The following MYH11 variants were observed in gnomAD, a reference collection of about 807,000 sequenced individuals.
The protein encoded by MYH11 is myosin heavy chain 11, also known as myosin-11.
MYH11 carries 80 observed loss-of-function variants against 246.6 expected under a neutral mutation model. The observed-to-expected ratio is 0.32, with a 90% confidence interval of 0.27 to 0.39. MYH11 has a LOEUF of 0.39. MYH11 is among the 10% of genes least tolerant of loss of function. The pLI is 1.00. For synonymous variants in MYH11, 1,071 were observed against 1,015.5 expected (o/e 1.05, Z -1.04); for missense variants, 2,158 against 2,546.8 (o/e 0.85, Z 3.29).
intron 23 of MYH11, 108 bp from the exon 24 acceptor site, chr16:15,738,796 T>C: frequency 5.4e-6 from 7 of 1,285,952 alleles, no homozygotes; most frequent in Non-Finnish European, 5.5e-6. Context: ...AAACCCACAT[T>C]ATAACAAAAT....
chr16:15,829,132 G>A (rs1429931195), intron 2 of MYH11, among the ~76,000 whole-genome samples: 2 of 151,278 alleles, frequency 1.3e-5, no homozygotes, highest in Admixed American at 1.3e-4. Context: ...TATGTGAGCC[G>A]AGATCATGCC....
intron 3 of MYH11, among the ~76,000 whole-genome samples, chr16:15,814,435 C>G (rs1471374949): frequency 6.6e-6 from 1 of 151,326 alleles, no homozygotes; most frequent in Non-Finnish European, 1.5e-5. Flanking sequence ...TGCCTGTAAT[C>G]CCAGCTACTT....
chr16:15,712,882 GTT>G (rs59799809), intron 40 of MYH11: 2 of 90,628 alleles, frequency 2.2e-5, no homozygotes, highest in Non-Finnish European at 2.3e-5. Flanking sequence ...TTCACATACA[GTT>G]TTTTTTTTTT....
intron 1 of MYH11, among the ~76,000 whole-genome samples, chr16:15,844,344 C>T (rs1010713824): frequency 3.3e-5 from 5 of 152,152 alleles, no homozygotes; most frequent in African/African-American, 9.7e-5. Flanking sequence ...ATTACAGGTG[C>T]ATGCCACCAC....
intron 40 of MYH11, among the ~76,000 whole-genome samples, chr16:15,705,597 C>G (rs956709111): frequency 6.6e-6 from 1 of 152,152 alleles, no homozygotes; most frequent in East Asian, 1.9e-4. Flanking sequence ...TTTAGGACAT[C>G]AAAGAAGAGA....
At position 15,716,915 on chromosome 16, in the gene MYH11, T is replaced by G. The variant is rs143155833; in HGVS notation, c.5504+225A>C. ...GTTAATGTCAGGAGGACCATGGAGATGCTAAGAGCAGCTCACACTTTAGGT... is the reference window on the plus strand; with the variant it reads ...GTTAATGTCAGGAGGACCATGGAGAGGCTAAGAGCAGCTCACACTTTAGGT... On this transcript the variant is annotated intron_variant, in intron 38 of 40. Coordinates refer to ENST00000300036, the MANE Select transcript of MYH11 (RefSeq NM_002474.3). 2.6e-4 allele frequency among the ~76,000 whole-genome samples: 39 copies of G among 152,328 alleles called. No homozygotes were observed. In the East Asian group the frequency reaches 7.3e-3, roughly 29 times the overall value.
chr16:15,740,906 A>C (rs947233496), intron 22 of MYH11, among the ~76,000 whole-genome samples: 1 of 152,158 alleles, frequency 6.6e-6, no homozygotes, highest in African/African-American at 2.4e-5. Flanking sequence ...TTCTGGGGGA[A>C]CTCTGCTGCC....
chr16:15,783,636 G>A (rs907201836), intron 5 of MYH11: 3 of 152,210 alleles, frequency 2.0e-5, no homozygotes, highest in African/African-American at 7.2e-5. Context: ...GCATTTCTTT[G>A]TTGGTGGGAA....
intron 27 of MYH11, among the ~76,000 whole-genome samples, chr16:15,731,371 C>T (rs1324503007): frequency 1.3e-5 from 2 of 152,168 alleles, no homozygotes; most frequent in African/African-American, 4.8e-5. Context: ...AGTCTCTTCA[C>T]CTCTAGGCAC....
chr16:15,745,152 G>A lies in MYH11; in HGVS notation c.2497C>T (p.Gln833Ter). ...ACTTTGGTGAAAAGCCTCCACCACTGCCAGTTCCGCAGCTTGAGGTAGGCG... is the reference window on the plus strand; with the variant it reads ...ACTTTGGTGAAAAGCCTCCACCACTACCAGTTCCGCAGCTTGAGGTAGGCG... ...CAAYLKLRNW[Q>*]WWRLFTKVKP... is the part of the protein sequence containing the mutation. Residue 833 changes from glutamine (Q) to a stop codon, truncating the protein, a stop_gained, in exon 20 of 41, where the codon CAG becomes TAG. Coordinates refer to ENST00000300036, the MANE Select transcript of MYH11 (RefSeq NM_002474.3). LOFTEE classifies it high-confidence loss of function. 6.2e-7 allele frequency: 1 copy of A among 1,614,088 alleles called. No homozygotes were observed. Among genetic ancestry groups the A allele is most frequent in the Non-Finnish European group, 8.5e-7 (1 of 1,179,992 alleles).
chr16:15,751,779 AT>A (rs1238258829), intron 15 of MYH11, among the ~76,000 whole-genome samples: 4 of 150,402 alleles, frequency 2.7e-5, no homozygotes, highest in Admixed American at 6.6e-5. Context: ...CACCCGGCTA[AT>A]TTTGTTTTTA....
At position 15,784,722 on chromosome 16, in the gene MYH11, TG is replaced by T. The variant is rs773496706; in HGVS notation, c.633+1907del. ...CGTAGGCAAAAGATGGGCCTTGCTGTGGTTGAACAACACAGTATAAAACAAA... is the reference window on the plus strand; with the variant it reads ...CGTAGGCAAAAGATGGGCCTTGCTGTGTTGAACAACACAGTATAAAACAAA... On this transcript the variant is annotated intron_variant, in intron 5 of 40. Transcript: ENST00000300036. 2.5e-6 allele frequency: 4 copies of T among 1,613,816 alleles called. No individual in the cohort carries two copies.
intron 20 of MYH11, chr16:15,742,150 A>C: frequency 5.2e-6 from 3 of 574,858 alleles, no homozygotes; most frequent in Non-Finnish European, 6.3e-6. Flanking sequence ...TCACCCCAAA[A>C]TATCAACAGT....
chr16:15,773,251 A>G (rs2042145923), intron 8 of MYH11, among the ~76,000 whole-genome samples: 1 of 151,612 alleles, frequency 6.6e-6, no homozygotes, highest in Non-Finnish European at 1.5e-5. Flanking sequence ...GGTAGGCAAA[A>G]ATGCAGCTTT....
chr16:15,756,234 T>A (rs1442408985), intron 14 of MYH11, 107 bp downstream of exon 14: 2 of 1,282,822 alleles, frequency 1.6e-6, no homozygotes, highest in Non-Finnish European at 2.2e-6. Context: ...CAGATGGCTT[T>A]GCAGTTTCCA....
intron 32 of MYH11, 153 bp from the exon 33 acceptor site, chr16:15,721,204 C>T (rs1567695597): frequency 1.0e-6 from 1 of 978,650 alleles, no homozygotes; most frequent in African/African-American, 1.6e-5. Flanking sequence ...CCTGAGAGTT[C>T]AGACCCCAGC....
Position 15,745,195 on chromosome 16 carries a change from C to G in MYH11, c.2454G>C (p.Val818=). ...GGTAGGCGGCGCAGTTCCTCTGAAT[C>G]ACCTTCATGGCGGTCAGCTGCTGCT... is the stretch of plus-strand genomic sequence containing the variant. The part of the protein sequence containing the change: ...KRQQQLTAMK[V]IQRNCAAYLK... Residue 818 remains valine (V), a synonymous_variant, in exon 20 of 41, where the codon GTG becomes GTC. Transcript: ENST00000300036. The G allele has an allele frequency of 6.2e-7, 1 of 1,614,166 alleles. No individual in the cohort carries two copies. The highest frequency in any genetic ancestry group is 8.5e-7 in the Non-Finnish European group (1 of 1,180,032).
chr16:15,721,121 G>T, intron 32 of MYH11, 70 bp from the exon 33 acceptor site: 2 of 1,538,514 alleles, frequency 1.3e-6, no homozygotes, highest in South Asian at 2.2e-5. Context: ...AACCCACCGT[G>T]AGCGGCACCT....
chr16:15,784,588 C>T (rs961984614), intron 5 of MYH11: 2 of 1,178,766 alleles, frequency 1.7e-6, no homozygotes, highest in African/African-American at 1.5e-5. Context: ...CTAGGGCCTA[C>T]CCCATTTCTA....
Sources: allele counts gnomAD v4.1 joint callset (sites outside exome capture counted in the v4.1 genomes callset), GRCh38; gene constraint gnomAD v4.1.1; transcripts MANE v1.5; gene names NCBI Gene and HGNC (gene_info 2026-07-23, HGNC 2026-07-21).